Variants in CAMK2B observed in about 807,000 individuals in gnomAD.
CAMK2B encodes calcium/calmodulin-dependent protein kinase type II subunit beta.
A neutral mutation model predicts 93.7 loss-of-function variants in CAMK2B; 27 were observed. The observed-to-expected ratio is 0.29, with a 90% CI of 0.21 to 0.40. The LOEUF is 0.40. CAMK2B is among the 10% of genes least tolerant of loss of function. CAMK2B has a pLI of 1.00. For missense variants in CAMK2B, 568 were observed against 895.8 expected (o/e 0.63, Z 4.67); for synonymous variants, 374 against 358.8 (o/e 1.04, Z -0.48).
intron 5 of CAMK2B, among the ~76,000 whole-genome samples, chr7:44,249,523 C>T (rs1394097517): frequency 6.6e-6 from 1 of 152,180 alleles, no homozygotes; most frequent in Non-Finnish European, 1.5e-5. Context: ...CTGGGAAGGG[C>T]ATAGATCTTG....
chr7:44,224,906 C>T lies in CAMK2B; in HGVS notation c.1597+1610G>A, dbSNP rs1391140995. On this transcript the variant is annotated intron_variant, in intron 20 of 23. Coordinates refer to ENST00000395749, the MANE Select transcript of CAMK2B (RefSeq NM_001220.5). This position sits in a 1 kb window ranked among gnomAD's most constrained non-coding sequence, Gnocchi z 4.4. ...GGCCCAGGTGCCCCCAGGGCAGTAC[C>T]CAGACTCTTCCTTTCCCTGAGTTCC... 6.6e-6 allele frequency among the ~76,000 whole-genome samples: 1 copy of T among 152,052 alleles called. No homozygotes were observed. The highest frequency in any genetic ancestry group is 1.5e-5 in the Non-Finnish European group (1 of 67,974).
intron 1 of CAMK2B, among the ~76,000 whole-genome samples, chr7:44,319,479 C>T (rs964037986): frequency 1.3e-5 from 2 of 152,206 alleles, no homozygotes; most frequent in African/African-American, 4.8e-5. Flanking sequence ...CTCTGCTCTT[C>T]GGGATTCCTA....
At chr7:44,246,686 T>A (rs1053764707) in intron 6 of CAMK2B, among the ~76,000 whole-genome samples, 2 of 151,570 alleles carry the variant, frequency 1.3e-5, no homozygotes, top group Non-Finnish European at 2.9e-5. Flanking sequence ...TACATGCACA[T>A]CCCTGCACAG....
At chr7:44,267,302 A>T (rs978873571) in intron 2 of CAMK2B, among the ~76,000 whole-genome samples, 1 of 152,184 alleles carries the variant, frequency 6.6e-6, no homozygotes, top group South Asian at 2.1e-4. Flanking sequence ...GCCCCTTGTT[A>T]CAGCAGAGTG....
At chr7:44,320,410 G>A (rs1795802498) in intron 1 of CAMK2B, among the ~76,000 whole-genome samples, 1 of 152,142 alleles carries the variant, frequency 6.6e-6, no homozygotes, top group South Asian at 2.1e-4. Context: ...CTTCTGAGAG[G>A]AGCAGAATGT....
At position 44,240,750 on chromosome 7, in the gene CAMK2B, C is replaced by T; in HGVS notation, c.904-1G>A. The T allele has an allele frequency of 6.2e-7, 1 of 1,613,834 alleles. No individual in the cohort carries two copies. The highest frequency in any genetic ancestry group is 8.5e-7 in the Non-Finnish European group (1 of 1,179,910). ...CCAGCATGGTGGTGAGGATGGCTCC[C>T]TGGGGAGAGACACAGATAAAACCGG... is the stretch of plus-strand genomic sequence containing the variant. On this transcript the variant is annotated splice_acceptor_variant, in intron 11 of 23. Transcript: ENST00000395749. LOFTEE classifies it high-confidence loss of function.
At chr7:44,254,667 A>G (rs971117907) in intron 4 of CAMK2B, 60 bp from the exon 5 acceptor site, 3 of 1,102,898 alleles carry the variant, frequency 2.7e-6, no homozygotes, top group Admixed American at 3.4e-5. Context: ...CTGCACTGTC[A>G]CCTCCATTAC....
chr7:44,265,933 C>T (rs1012047364), intron 2 of CAMK2B, among the ~76,000 whole-genome samples: 1 of 152,078 alleles, frequency 6.6e-6, no homozygotes, highest in East Asian at 1.9e-4. Context: ...ACACACACGT[C>T]GTATCGAGTG....
At chr7:44,258,720 CT>C in intron 4 of CAMK2B, 151 bp downstream of exon 4, 3 of 697,760 alleles carry the variant, frequency 4.3e-6, no homozygotes, top group South Asian at 3.3e-5. Context: ...CTGGGCACAG[CT>C]TGGAGCAAGG....
rs571016681 is a variant in CAMK2B, at chr7:44,269,101, C to T, written c.161-6037G>A. ...AGGGCGATGGAAGAGATGGAGCTGA[C>T]GGGAAGGACATTCACACCAACCCTG... On this transcript the variant is annotated intron_variant, in intron 2 of 23. Transcript: ENST00000395749. Among the ~76,000 whole-genome samples, 51 of 152,272 alleles carry T rather than the reference C, an allele frequency of 3.3e-4. 1 individual carries two copies. Among genetic ancestry groups the T allele is most frequent in the Admixed American group, 2.6e-3 (40 of 15,296 alleles).
chr7:44,304,258 C>T (rs1179963712), intron 1 of CAMK2B, among the ~76,000 whole-genome samples: 1 of 152,194 alleles, frequency 6.6e-6, no homozygotes, highest in Admixed American at 6.5e-5. Context: ...CTCCCAAATA[C>T]ATTGAAAACT....
Position 44,225,619 on chromosome 7 carries a change from G to A in CAMK2B, c.1597+897C>T. 1 of 725,490 alleles carries A rather than the reference G, an allele frequency of 1.4e-6. No homozygotes were observed. Among genetic ancestry groups the A allele is most frequent in the South Asian group, 1.6e-5 (1 of 62,178 alleles). 44.9% of individuals were successfully genotyped at this position (725,490 alleles called of 1,614,324 possible). On this transcript the variant is annotated intron_variant, in intron 20 of 23. Coordinates refer to ENST00000395749, the MANE Select transcript of CAMK2B (RefSeq NM_001220.5). The surrounding 1 kb of genome is among the most constrained non-coding windows in gnomAD (Gnocchi z 5.0). Reference sequence around the variant, plus strand: ...GATCCAGTGCCCCTTTGAGCCTGCAGCCTGCATCCCCCTCCTCGAGCCGCT... The same window carrying A: ...GATCCAGTGCCCCTTTGAGCCTGCAACCTGCATCCCCCTCCTCGAGCCGCT...
At chr7:44,293,869 T>C (rs967377488) in intron 1 of CAMK2B, among the ~76,000 whole-genome samples, 1 of 152,152 alleles carries the variant, frequency 6.6e-6, no homozygotes, top group Non-Finnish European at 1.5e-5. Context: ...AACAGTGTGA[T>C]TTTTGACATG....
At chr7:44,223,148 A>C (rs1273208653) in intron 20 of CAMK2B, among the ~76,000 whole-genome samples, 1 of 152,164 alleles carries the variant, frequency 6.6e-6, no homozygotes, top group Admixed American at 6.5e-5. Context: ...GCACCTGTGC[A>C]TGTGTGTGTG....
rs766576525 is a variant in CAMK2B, at chr7:44,254,556, G to A, written c.327C>T (p.Ser109=). ...TCTGCACCCACCTGGCATCAGCCTCGCTGTAGTACTCTCTCGCCACAATGT... is the reference window on the plus strand; with the variant it reads ...TCTGCACCCACCTGGCATCAGCCTCACTGTAGTACTCTCTCGCCACAATGT... ...FEDIVAREYY[S]EADASHCIQQ... The change falls in exon 5 of 24, where the codon AGC becomes AGT. Residue 109 remains serine, a synonymous_variant. Transcript: ENST00000395749. 9.9e-6 allele frequency: 16 copies of A among 1,611,902 alleles called. No homozygotes were observed. The highest frequency in any genetic ancestry group is 5.0e-5 in the Admixed American group (3 of 59,932).
chr7:44,228,473 G>C (rs567250106), intron 19 of CAMK2B, among the ~76,000 whole-genome samples: 1 of 152,116 alleles, frequency 6.6e-6, no homozygotes, highest in East Asian at 1.9e-4. Flanking sequence ...GAGGGCCTAG[G>C]GGCATGGGGG....
intron 20 of CAMK2B, among the ~76,000 whole-genome samples, chr7:44,226,286 C>A (rs536324252): frequency 1.1e-4 from 16 of 152,202 alleles, no homozygotes; most frequent in African/African-American, 3.1e-4. Context: ...CTCTTTCGGA[C>A]GCTCTTCCTA....
chr7:44,253,325 T>C (rs1030879389), intron 5 of CAMK2B, among the ~76,000 whole-genome samples: 2 of 150,068 alleles, frequency 1.3e-5, no homozygotes, highest in Non-Finnish European at 3.0e-5. Context: ...GCAATTCTCC[T>C]GCCTCAGCCT....
chr7:44,230,934 G>T, intron 17 of CAMK2B, 72 bp downstream of exon 17: 1 of 1,361,126 alleles, frequency 7.3e-7, no homozygotes, highest in Non-Finnish European at 1.0e-6. Flanking sequence ...CCCTGCCCAA[G>T]TCCCACCCAC....
Sources: gnomAD v4.1 joint callset for allele counts (sites outside exome capture counted in the v4.1 genomes callset) on GRCh38, gnomAD v4.1.1 for gene constraint, Gnocchi (gnomAD v3.1) non-coding constraint, MANE v1.5 for transcripts, NCBI Gene and HGNC (gene_info 2026-07-23, HGNC 2026-07-21) for gene names.